Variants in NPAS3 observed in about 807,000 individuals in gnomAD.
The protein encoded by NPAS3 is neuronal PAS domain protein 3.
A neutral mutation model predicts 73.1 loss-of-function variants in NPAS3; 14 were observed. The observed-to-expected ratio is 0.19, with a 90% CI of 0.13 to 0.30. The LOEUF is 0.30. NPAS3 is among the 10% of genes least tolerant of loss of function. The pLI is 1.00. For missense variants in NPAS3, 1,096 were observed against 1,250.0 expected (o/e 0.88, Z 1.86); for synonymous variants, 620 against 541.5 (o/e 1.14, Z -2.01).
chr14:33,022,011 G>T (rs375629556), intron 1 of NPAS3, among the ~76,000 whole-genome samples: 1 of 152,188 alleles, frequency 6.6e-6, no homozygotes, highest in African/African-American at 2.4e-5. Flanking sequence ...GAAGTCGCAG[G>T]CTGGACATTC....
intron 4 of NPAS3, among the ~76,000 whole-genome samples, chr14:33,403,301 G>A (rs887341667): frequency 6.6e-6 from 1 of 151,974 alleles, no homozygotes; most frequent in Non-Finnish European, 1.5e-5. Flanking sequence ...TTAAAAAAAA[G>A]CATAAGAAAT....
At chr14:33,640,152 G>A (rs2058636774) in intron 5 of NPAS3, among the ~76,000 whole-genome samples, 1 of 151,978 alleles carries the variant, frequency 6.6e-6, no homozygotes, top group Admixed American at 6.6e-5. Flanking sequence ...AGGAGTCGAA[G>A]GTTGCAGTGA....
chr14:33,397,424 G>A (rs886963960), intron 4 of NPAS3, among the ~76,000 whole-genome samples: 2 of 151,962 alleles, frequency 1.3e-5, no homozygotes, highest in African/African-American at 4.8e-5. Flanking sequence ...AAGTCCCACA[G>A]TTACCAAGCC....
chr14:33,260,027 A>G (rs1220117885), intron 3 of NPAS3, among the ~76,000 whole-genome samples: 1 of 152,156 alleles, frequency 6.6e-6, no homozygotes, highest in Non-Finnish European at 1.5e-5. Context: ...TCGGACACCC[A>G]AAAGCCTATT....
At chr14:33,435,389 A>G (rs1445616341) in intron 4 of NPAS3, among the ~76,000 whole-genome samples, 2 of 152,126 alleles carry the variant, frequency 1.3e-5, no homozygotes, top group African/African-American at 4.8e-5. Context: ...TTGGTTTTCT[A>G]TTTTGCAAGT....
At chr14:33,701,696 G>A (rs982849303) in intron 6 of NPAS3, among the ~76,000 whole-genome samples, 1 of 152,178 alleles carries the variant, frequency 6.6e-6, no homozygotes, top group Non-Finnish European at 1.5e-5. Flanking sequence ...GGAGTATTTA[G>A]AGCAACTCTT....
At chr14:33,779,654 T>C (rs923176066) in intron 9 of NPAS3, among the ~76,000 whole-genome samples, 25 of 152,226 alleles carry the variant, frequency 1.6e-4, no homozygotes, top group African/African-American at 6.0e-4. Context: ...CAGTATTCAG[T>C]AGAGTAACAT....
At chr14:33,749,240 A>G (rs567760085) in intron 7 of NPAS3, among the ~76,000 whole-genome samples, 1 of 152,366 alleles carries the variant, frequency 6.6e-6, no homozygotes, top group African/African-American at 2.4e-5. Flanking sequence ...AACACAATAT[A>G]GATTCACCCC....
chr14:33,652,995 C>G (rs1459932259), intron 5 of NPAS3, among the ~76,000 whole-genome samples: 1 of 152,110 alleles, frequency 6.6e-6, no homozygotes, highest in Non-Finnish European at 1.5e-5. Context: ...ATGGTCAGTC[C>G]GAGGAAGGAA....
intron 4 of NPAS3, among the ~76,000 whole-genome samples, chr14:33,473,873 T>G (rs1026475736): frequency 1.3e-5 from 2 of 152,188 alleles, no homozygotes; most frequent in African/African-American, 4.8e-5. Context: ...ATTGCAAAGT[T>G]AAGTAGATGT....
intron 1 of NPAS3, among the ~76,000 whole-genome samples, chr14:33,054,120 C>T (rs2040802150): frequency 6.6e-6 from 1 of 152,124 alleles, no homozygotes; most frequent in South Asian, 2.1e-4. Context: ...ACTTAATGGC[C>T]AAAATTAATT....
At chr14:33,162,556 G>C (rs2044937214) in intron 2 of NPAS3, among the ~76,000 whole-genome samples, 1 of 152,150 alleles carries the variant, frequency 6.6e-6, no homozygotes, top group Non-Finnish European at 1.5e-5. Context: ...CCTGGATGCA[G>C]TTGCTATTTC....
chr14:33,252,260 T>C (rs7141978), intron 3 of NPAS3, among the ~76,000 whole-genome samples: 22,915 of 151,988 alleles, frequency 0.15, 2,250 homozygotes, highest in Non-Finnish European at 0.23. Context: ...AGATACCCAA[T>C]TTTATTTCCT....
rs189734680 is a variant in NPAS3 at position 33,212,869 on chromosome 14, C to T, written c.141-2313C>T. ...AAGGAAAATTACCTATAACATCACG[C>T]GAAACTACTTTTATAATTGTCTGTC... On this transcript the variant is annotated intron_variant, in intron 2 of 11. Coordinates refer to ENST00000356141, the Ensembl canonical transcript of NPAS3. 6.1e-3 allele frequency among the ~76,000 whole-genome samples: 934 copies of T among 152,230 alleles called. 5 individuals carry two copies. Among genetic ancestry groups the T allele is most frequent in the Middle Eastern group, 0.017 (5 of 294 alleles).
At chr14:33,640,153 G>A (rs2058636850) in intron 5 of NPAS3, among the ~76,000 whole-genome samples, 1 of 151,878 alleles carries the variant, frequency 6.6e-6, no homozygotes, top group African/African-American at 2.4e-5. Context: ...GGAGTCGAAG[G>A]TTGCAGTGAG....
In NPAS3 at chr14:33,774,282, G is replaced by T. The variant is rs2062743168; in HGVS notation, c.853-55G>T. On this transcript the variant is annotated intron_variant, in intron 7 of 11. Transcript: ENST00000356141. ...TTTTGCATTTCTCATAAGAAATGCT[G>T]TTATATCTGGGATGTAAATTTGACT... 2.1e-6 allele frequency: 3 copies of T among 1,411,378 alleles called. No individual in the cohort carries two copies. The East Asian group carries it at 6.9e-5, about 32-fold the overall frequency. 87.4% of individuals were successfully genotyped at this position (1,411,378 alleles called of 1,614,324 possible).
chr14:33,187,019 C>T (rs527658845), intron 2 of NPAS3, among the ~76,000 whole-genome samples: 1 of 152,328 alleles, frequency 6.6e-6, no homozygotes, highest in East Asian at 1.9e-4. Flanking sequence ...AACTCCTGCT[C>T]TAGTCTAAAC....
At chr14:33,693,627 A>AT (rs1038651071) in intron 6 of NPAS3, among the ~76,000 whole-genome samples, 36 of 152,304 alleles carry the variant, frequency 2.4e-4, no homozygotes, top group African/African-American at 8.4e-4. Context: ...GTTTCTTGTA[A>AT]TTATCTCTTT....
chr14:33,724,069 TG>T (rs1235244329), intron 6 of NPAS3, among the ~76,000 whole-genome samples: 2 of 152,260 alleles, frequency 1.3e-5, no homozygotes, highest in East Asian at 3.9e-4. Flanking sequence ...AAAAGTCACT[TG>T]GGAAAAAAAT....
Sources: gnomAD v4.1 joint callset for allele counts (sites outside exome capture counted in the v4.1 genomes callset) on GRCh38, gnomAD v4.1.1 for gene constraint, MANE v1.5 for transcripts, NCBI Gene and HGNC (gene_info 2026-07-23, HGNC 2026-07-21) for gene names.